ACSF3: variants seen among roughly 807,000 people sequenced by gnomAD.
ACSF3 encodes the protein malonate--CoA ligase ACSF3, mitochondrial.
A neutral mutation model predicts 53.2 loss-of-function variants in ACSF3; 78 were observed. The ratio of observed to expected loss-of-function variants is 1.47; its 90% confidence interval spans 1.22 to 1.77. ACSF3 has a LOEUF of 1.77. Ranked by LOEUF, ACSF3 falls within the 40% of genes most tolerant of loss-of-function variation. ACSF3 has a pLI of 0.00. For synonymous variants in ACSF3, 414 were observed against 333.1 expected, an observed-to-expected ratio of 1.24 and a Z score of -2.65; for missense variants, 937 against 771.1, an observed-to-expected ratio of 1.22 and a Z score of -2.55.
chr16:89,145,475 T>C, intron 9 of ACSF3, 74 bp downstream of exon 9: 1 of 1,572,168 alleles, frequency 6.4e-7, no homozygotes. Flanking sequence ...TTTAGACGAC[T>C]GCAGATGAGT....
At chr16:89,096,376 G>T (rs906755690) in intron 1 of ACSF3, among the ~76,000 whole-genome samples, 1 of 152,172 alleles carries the variant, frequency 6.6e-6, no homozygotes, top group Non-Finnish European at 1.5e-5. Flanking sequence ...GAGGAAGCTG[G>T]GGTGCCTCTG....
intron 3 of ACSF3, among the ~76,000 whole-genome samples, chr16:89,101,630 C>T (rs1026620811): frequency 6.6e-6 from 1 of 152,200 alleles, no homozygotes; most frequent in South Asian, 2.1e-4. Flanking sequence ...AGGGACCACT[C>T]ACTGCCTGTG....
intron 10 of ACSF3, chr16:89,148,447 C>T (rs1348681657): frequency 6.6e-6 from 1 of 152,252 alleles, no homozygotes; most frequent in East Asian, 1.9e-4. Flanking sequence ...CCATGTCTCA[C>T]ATCCAGGCTA....
chr16:89,108,102 A>G (rs948287832), intron 4 of ACSF3, among the ~76,000 whole-genome samples: 4 of 152,176 alleles, frequency 2.6e-5, no homozygotes, highest in African/African-American at 9.7e-5. Context: ...ATTCACTATC[A>G]TGAGAATAGC....
Position 89,125,120 on chromosome 16 carries a change from G to C in ACSF3, c.1239+4207G>C, listed in dbSNP as rs370865013. ...ACACTTTGGGAGGCCAAGGTGGGCA[G>C]ATCACCTGAGGTCAGGAGTTCAAGA... On this transcript the variant is annotated intron_variant, in intron 7 of 10. Coordinates refer to ENST00000614302, the MANE Select transcript of ACSF3 (RefSeq NM_001243279.3). Among the ~76,000 whole-genome samples the C allele has an allele frequency of 3.4e-4, 52 of 152,216 alleles. 1 individual carries two copies. In the South Asian group the frequency reaches 9.9e-3, roughly 29 times the overall value.
intron 7 of ACSF3, among the ~76,000 whole-genome samples, chr16:89,130,739 C>T (rs758492589): frequency 1.3e-5 from 2 of 152,176 alleles, no homozygotes; most frequent in Non-Finnish European, 2.9e-5. Context: ...GGGATTCTCT[C>T]AGCTTCTTTA....
intron 7 of ACSF3, among the ~76,000 whole-genome samples, chr16:89,131,093 T>C (rs1049855316): frequency 6.6e-6 from 1 of 151,340 alleles, no homozygotes; most frequent in Non-Finnish European, 1.5e-5. Context: ...TATTTCCAAG[T>C]GTTTGCCCTT....
intron 2 of ACSF3, among the ~76,000 whole-genome samples, chr16:89,098,994 G>C (rs987190663): frequency 6.6e-6 from 1 of 152,282 alleles, no homozygotes; most frequent in Non-Finnish European, 1.5e-5. Flanking sequence ...GTCAGACCGA[G>C]GGCCGCTGAG....
rs1462592859 is a variant in ACSF3, at chr16:89,154,372, C to G, written c.*165C>G. ...TGGGATGAAATCACCATGTGGGGTC[C>G]CCAGCCTCGGGCCAGTTGTTGCAGC... is the stretch of plus-strand genomic sequence containing the variant. On this transcript the variant is annotated 3_prime_UTR_variant, in exon 11 of 11. Transcript: ENST00000614302. The G allele has an allele frequency of 2.7e-6, 2 of 741,850 alleles. No individual in the cohort carries two copies. The highest frequency in any genetic ancestry group is 4.7e-6 in the Non-Finnish European group (2 of 425,678). The allele number at this position is 741,850 out of a possible 1,614,324, so 46.0% of individuals were successfully genotyped here. A position where few individuals can be genotyped will look rare whatever the true frequency, so the allele number is the denominator to read the frequency against.
chr16:89,155,263 T>A lies in ACSF3; in HGVS notation c.*1056T>A, dbSNP rs1914595528. The A allele has an allele frequency of 2.2e-6, 1 of 453,968 alleles. No homozygotes were observed. Among genetic ancestry groups the A allele is most frequent in the Non-Finnish European group, 4.4e-6 (1 of 226,786 alleles). 28.1% of individuals were successfully genotyped at this position (453,968 alleles called of 1,614,324 possible). A position where few individuals can be genotyped will look rare whatever the true frequency, so the allele number is the denominator to read the frequency against. On this transcript the variant is annotated 3_prime_UTR_variant, in exon 11 of 11. Coordinates refer to ENST00000614302, the MANE Select transcript of ACSF3 (RefSeq NM_001243279.3). ...CGCCCAGCAGTGTCTGGCCTGAACT[T>A]ACCCAGAACATTCTGCCCCCGGAAT...
intron 5 of ACSF3, 24 bp from the exon 6 acceptor site, chr16:89,114,315 C>T: frequency 6.2e-7 from 1 of 1,613,760 alleles, no homozygotes; most frequent in Non-Finnish European, 8.5e-7. Flanking sequence ...AGGGGCTAAA[C>T]CTGCCTTTGG....
Position 89,114,334 on chromosome 16 carries a change from C to T in ACSF3, c.978-5C>T, listed in dbSNP as rs767914459. On this transcript the variant is annotated splice_region_variant and splice_polypyrimidine_tract_variant and intron_variant, in intron 5 of 10. Transcript: ENST00000614302. Reference sequence around the variant, plus strand: ...GCTAAACCTGCCTTTGGTTGTGCCGCGTAGGCTGATGGTCTCAGGCTCAGC... The same window carrying T: ...GCTAAACCTGCCTTTGGTTGTGCCGTGTAGGCTGATGGTCTCAGGCTCAGC... 14 of 1,613,862 alleles carry T rather than the reference C, an allele frequency of 8.7e-6. No individual in the cohort carries two copies. The highest frequency in any genetic ancestry group is 1.2e-5 in the Non-Finnish European group (14 of 1,180,036).
chr16:89,094,987 A>G (rs1269673522), intron 1 of ACSF3, among the ~76,000 whole-genome samples: 8 of 152,238 alleles, frequency 5.3e-5, no homozygotes, highest in Non-Finnish European at 8.8e-5. Context: ...ACGTTTAGAG[A>G]TAGGAACACG....
chr16:89,094,423 C>A (rs1378780339), intron 1 of ACSF3, among the ~76,000 whole-genome samples: 1 of 152,236 alleles, frequency 6.6e-6, no homozygotes, highest in Non-Finnish European at 1.5e-5. Flanking sequence ...GGCACAGGTT[C>A]ACAGCCGGCC....
intron 10 of ACSF3, chr16:89,149,106 C>G (rs1338785597): frequency 6.6e-6 from 1 of 152,202 alleles, no homozygotes; most frequent in Non-Finnish European, 1.5e-5. Flanking sequence ...AATCTTTGCT[C>G]CAGTTCCCAA....
chr16:89,109,692 G>T (rs143937784), intron 4 of ACSF3, among the ~76,000 whole-genome samples: 2 of 151,976 alleles, frequency 1.3e-5, no homozygotes, highest in South Asian at 4.1e-4. Context: ...GATTATAGCC[G>T]TGAGCCCGCC....
intron 7 of ACSF3, among the ~76,000 whole-genome samples, chr16:89,128,519 C>T (rs1470322642): frequency 1.3e-5 from 2 of 151,966 alleles, no homozygotes; most frequent in African/African-American, 4.8e-5. Flanking sequence ...CTCGGCTTCC[C>T]AAAGTGCTGA....
At chr16:89,111,335 A>G (rs535995037) in intron 4 of ACSF3, among the ~76,000 whole-genome samples, 1 of 152,350 alleles carries the variant, frequency 6.6e-6, no homozygotes, top group East Asian at 1.9e-4. Flanking sequence ...ACTGCAGTCC[A>G]GTGAGGAGAT....
chr16:89,102,801 G>A, intron 4 of ACSF3, 42 bp downstream of exon 4: 1 of 1,524,292 alleles, frequency 6.6e-7, no homozygotes, highest in South Asian at 1.1e-5. Flanking sequence ...CTCAGACTAG[G>A]CGCCTTTCCC....
Sources: allele counts gnomAD v4.1 joint callset (sites outside exome capture counted in the v4.1 genomes callset), GRCh38; gene constraint gnomAD v4.1.1; transcripts MANE v1.5; gene names NCBI Gene and HGNC (gene_info 2026-07-23, HGNC 2026-07-21).